The following GMDS variants were observed in gnomAD, a reference collection of about 807,000 sequenced individuals.
GMDS encodes GDP-mannose 4,6 dehydratase.
Under a neutral mutation model 49.9 loss-of-function variants are expected in GMDS, and 20 were observed. The observed-to-expected ratio is 0.40, with a 90% CI of 0.28 to 0.58. The LOEUF is 0.58. Among genes scored for constraint, GMDS ranks in the 20% least tolerant of loss-of-function variants. The pLI, the probability that GMDS is intolerant of heterozygous loss-of-function variation, is 0.42. For missense variants in GMDS, 362 were observed against 481.4 expected, an observed-to-expected ratio of 0.75 and a Z score of 2.32; for synonymous variants, 177 against 178.6, an observed-to-expected ratio of 0.99 and a Z score of 0.07.
chr6:1,833,344 T>C lies in GMDS; in HGVS notation c.772-90758A>G, dbSNP rs562496823. On this transcript the variant is annotated intron_variant, in intron 7 of 10. Transcript: ENST00000380815. This position sits in a 1 kb window ranked among gnomAD's most constrained non-coding sequence, Gnocchi z 4.4. ...TCCTCCCTTCCTTCATATGGAAAGC[T>C]CATCTCGGAGGTGTCAGGATAAAAC... Among the ~76,000 whole-genome samples the C allele has an allele frequency of 2.6e-5, 4 of 151,620 alleles. No homozygotes were observed. The highest frequency in any genetic ancestry group is 9.7e-5 in the African/African-American group (4 of 41,324).
At chr6:2,186,316 CAG>C (rs530717557) in intron 1 of GMDS, among the ~76,000 whole-genome samples, 141 of 152,282 alleles carry the variant, frequency 9.3e-4, no homozygotes, top group African/African-American at 3.1e-3. Flanking sequence ...TTACTGTAAT[CAG>C]GGGATATTTT....
intron 9 of GMDS, among the ~76,000 whole-genome samples, chr6:1,686,671 T>A (rs972668732): frequency 6.6e-6 from 1 of 152,252 alleles, no homozygotes; most frequent in Non-Finnish European, 1.5e-5. Context: ...ATGCAAACCA[T>A]CTTTCCCTCT....
At chr6:1,825,112 C>T (rs969253517) in intron 7 of GMDS, among the ~76,000 whole-genome samples, 4 of 152,048 alleles carry the variant, frequency 2.6e-5, no homozygotes, top group East Asian at 1.9e-4. Context: ...GCAGATAAAT[C>T]GCATTACGAA....
chr6:1,796,847 G>T (rs1339252734), intron 7 of GMDS, among the ~76,000 whole-genome samples: 2 of 152,134 alleles, frequency 1.3e-5, no homozygotes, highest in African/African-American at 4.8e-5. Flanking sequence ...TGTTTGATAC[G>T]CTCATCAGAT....
At chr6:1,761,857 T>C (rs1359201329) in intron 7 of GMDS, among the ~76,000 whole-genome samples, 1 of 152,032 alleles carries the variant, frequency 6.6e-6, no homozygotes, top group Non-Finnish European at 1.5e-5. Flanking sequence ...AAGTACACAA[T>C]GATTTATTTA....
At chr6:1,807,998 G>A (rs1437408144) in intron 7 of GMDS, among the ~76,000 whole-genome samples, 2 of 152,154 alleles carry the variant, frequency 1.3e-5, no homozygotes, top group Non-Finnish European at 2.9e-5. Flanking sequence ...AACTAGCAGA[G>A]GACTTCATTT....
At chr6:2,111,739 A>C (rs767407046) in intron 4 of GMDS, among the ~76,000 whole-genome samples, 1 of 152,224 alleles carries the variant, frequency 6.6e-6, no homozygotes, top group Admixed American at 6.5e-5. Context: ...ATAACAAGAA[A>C]TTTAATTAAT....
intron 9 of GMDS, among the ~76,000 whole-genome samples, chr6:1,644,411 G>C (rs1299744223): frequency 6.6e-6 from 1 of 152,218 alleles, no homozygotes; most frequent in Non-Finnish European, 1.5e-5. Flanking sequence ...TAAATAGGCT[G>C]CATATGAGCC....
At chr6:2,217,812 G>GCCCCCCAAA (rs1780409314) in intron 1 of GMDS, among the ~76,000 whole-genome samples, 1 of 152,156 alleles carries the variant, frequency 6.6e-6, no homozygotes, top group East Asian at 1.9e-4. Flanking sequence ...CCAAAGCCCT[G>GCCCCCCAAA]GATGAACTGA....
intron 7 of GMDS, among the ~76,000 whole-genome samples, chr6:1,871,814 G>C (rs953564770): frequency 1.2e-4 from 18 of 152,282 alleles, no homozygotes; most frequent in African/African-American, 4.3e-4. Context: ...CTTTCTACAA[G>C]AGCATAGTTC....
In GMDS at chr6:1,817,594, A is replaced by G. The variant is rs148965198; in HGVS notation, c.772-75008T>C. Among the ~76,000 whole-genome samples, 957 of 152,362 alleles carry G rather than the reference A, an allele frequency of 6.3e-3. 4 individuals carry two copies. The highest frequency in any genetic ancestry group is 0.01 in the Non-Finnish European group (686 of 68,024). ...CTTTATAACATGGGTCACTGAAAAC[A>G]TTAACCATAAAAACATATAAAAGTA... On this transcript the variant is annotated intron_variant, in intron 7 of 10. Coordinates refer to ENST00000380815, the MANE Select transcript of GMDS (RefSeq NM_001500.4).
chr6:1,999,870 A>G (rs1428655341), intron 4 of GMDS, among the ~76,000 whole-genome samples: 1 of 124,238 alleles, frequency 8.0e-6, no homozygotes, highest in Non-Finnish European at 1.6e-5. Context: ...CTTTTCAAAA[A>G]TACCAGTTTT....
At chr6:1,820,633 A>C (rs1235356458) in intron 7 of GMDS, among the ~76,000 whole-genome samples, 1 of 152,232 alleles carries the variant, frequency 6.6e-6, no homozygotes, top group Non-Finnish European at 1.5e-5. Context: ...TAATGTAAAC[A>C]CTTCACCTAC....
rs1348730620 is a variant in GMDS, at chr6:1,833,327, TCCTTCATATGGAA to T, written c.772-90754_772-90742del. Among the ~76,000 whole-genome samples, 1 of 151,298 alleles carries T rather than the reference TCCTTCATATGGAA, an allele frequency of 6.6e-6. No homozygotes were observed. The highest frequency in any genetic ancestry group is 2.4e-5 in the African/African-American group (1 of 41,140). On this transcript the variant is annotated intron_variant, in intron 7 of 10. Transcript: ENST00000380815. The surrounding 1 kb of genome is among the most constrained non-coding windows in gnomAD (Gnocchi z 4.4). ...ACTGGACACATCAAATGTCCTCCCT[TCCTTCATATGGAA>T]AGCTCATCTCGGAGGTGTCAGGATA...
At chr6:1,815,297 G>C (rs1036657846) in intron 7 of GMDS, among the ~76,000 whole-genome samples, 1 of 152,124 alleles carries the variant, frequency 6.6e-6, no homozygotes, top group East Asian at 1.9e-4. Context: ...TTTACCCCAA[G>C]TTATTATATG....
At chr6:1,985,131 T>C (rs1004635485) in intron 4 of GMDS, among the ~76,000 whole-genome samples, 1 of 152,132 alleles carries the variant, frequency 6.6e-6, no homozygotes. Context: ...GTTAAGTGTC[T>C]AAAAAAAGAG....
chr6:1,742,682 G>T (rs1183583348), intron 7 of GMDS, 96 bp from the exon 8 acceptor site: 11 of 671,466 alleles, frequency 1.6e-5, no homozygotes, highest in Non-Finnish European at 2.7e-5. Context: ...ATCGACAGCT[G>T]GAACATGAGC....
intron 7 of GMDS, among the ~76,000 whole-genome samples, chr6:1,806,490 A>G (rs1324359641): frequency 6.6e-6 from 1 of 152,028 alleles, no homozygotes; most frequent in Non-Finnish European, 1.5e-5. Flanking sequence ...ACATGCATAC[A>G]CACAAATCCT....
intron 1 of GMDS, among the ~76,000 whole-genome samples, chr6:2,153,366 T>C (rs747478252): frequency 3.1e-4 from 47 of 152,204 alleles, no homozygotes; most frequent in South Asian, 8.3e-4. Context: ...AACTAAAAAC[T>C]TCTGTAGGGC....
Sources: allele counts gnomAD v4.1 joint callset (sites outside exome capture counted in the v4.1 genomes callset), GRCh38; gene constraint gnomAD v4.1.1; non-coding constraint Gnocchi (gnomAD v3.1); transcripts MANE v1.5; gene names NCBI Gene and HGNC (gene_info 2026-07-23, HGNC 2026-07-21).